Variants in SLX4IP observed in about 807,000 individuals in gnomAD.
SLX4IP encodes protein SLX4IP.
SLX4IP carries 34 observed loss-of-function variants against 32.9 expected under a neutral mutation model. That is an observed-to-expected ratio of 1.03 (90% CI 0.79 to 1.38). The LOEUF (loss-of-function observed/expected upper bound fraction) is 1.38, where lower values mean the gene tolerates loss of function less well. Ranked by LOEUF, SLX4IP falls within the 40% of genes most tolerant of loss-of-function variation. The pLI is 0.00. For missense variants in SLX4IP, 444 were observed against 479.0 expected, an observed-to-expected ratio of 0.93 and a Z score of 0.68; for synonymous variants, 172 against 171.7, an observed-to-expected ratio of 1.00 and a Z score of -0.01.
At chr20:10,569,395 AG>A (rs2066435237) in intron 4 of SLX4IP, among the ~76,000 whole-genome samples, 1 of 152,062 alleles carries the variant, frequency 6.6e-6, no homozygotes, top group South Asian at 2.1e-4. Flanking sequence ...CATGTTGGCC[AG>A]GCTGGTGATC....
At chr20:10,448,611 G>A (rs2065219559) in intron 1 of SLX4IP, among the ~76,000 whole-genome samples, 1 of 152,148 alleles carries the variant, frequency 6.6e-6, no homozygotes, top group South Asian at 2.1e-4. Context: ...AGGCCCATCT[G>A]ATTAAGATTA....
intron 1 of SLX4IP, among the ~76,000 whole-genome samples, chr20:10,443,547 T>C (rs2065175514): frequency 6.6e-6 from 1 of 152,150 alleles, no homozygotes; most frequent in Non-Finnish European, 1.5e-5. Context: ...CATTCCACAG[T>C]GCGGCATGCA....
chr20:10,590,000 G>C (rs1473556796), intron 4 of SLX4IP, among the ~76,000 whole-genome samples: 1 of 150,410 alleles, frequency 6.6e-6, no homozygotes, highest in African/African-American at 2.5e-5. Context: ...ATTATTTTTC[G>C]CAGCTTCCAA....
chr20:10,522,452 C>G (rs968472042), intron 2 of SLX4IP, among the ~76,000 whole-genome samples: 1 of 152,154 alleles, frequency 6.6e-6, no homozygotes, highest in African/African-American at 2.4e-5. Flanking sequence ...TTGGTGAGAG[C>G]TGGCTGACCC....
At chr20:10,530,483 G>A (rs1600968742) in intron 2 of SLX4IP, among the ~76,000 whole-genome samples, 1 of 152,164 alleles carries the variant, frequency 6.6e-6, no homozygotes, top group Non-Finnish European at 1.5e-5. Flanking sequence ...AGTGGTTAAC[G>A]ATGTCCCGAT....
In SLX4IP at chr20:10,526,859, G is replaced by A. The variant is rs893705240; in HGVS notation, c.28-29372G>A. On this transcript the variant is annotated intron_variant, in intron 2 of 7. Transcript: ENST00000334534. ...CCCATCTACTTGGGAGGCTGAGATG[G>A]GAGGACTGCTTGAGGCTGGGAGGCA... Among the ~76,000 whole-genome samples the A allele has an allele frequency of 8.3e-4, 126 of 152,278 alleles. 1 individual carries two copies. Among genetic ancestry groups the A allele is most frequent in the African/African-American group, 2.8e-3 (117 of 41,558 alleles).
chr20:10,479,982 G>A (rs1051117237), intron 2 of SLX4IP, among the ~76,000 whole-genome samples: 20 of 152,086 alleles, frequency 1.3e-4, no homozygotes, highest in Admixed American at 2.6e-4. Flanking sequence ...CCAGCCTGGC[G>A]ACAGAGTGAG....
intron 4 of SLX4IP, among the ~76,000 whole-genome samples, chr20:10,584,581 T>C (rs545604468): frequency 2.0e-5 from 3 of 152,292 alleles, no homozygotes; most frequent in African/African-American, 7.2e-5. Context: ...TGGAGCTCTT[T>C]TAAAAGAATG....
chr20:10,443,598 C>T (rs975061475), intron 1 of SLX4IP, among the ~76,000 whole-genome samples: 1 of 152,170 alleles, frequency 6.6e-6, no homozygotes, highest in Non-Finnish European at 1.5e-5. Context: ...TGTTCAAGGA[C>T]ATGTGCCAGG....
intron 2 of SLX4IP, among the ~76,000 whole-genome samples, chr20:10,534,289 A>G (rs1309739988): frequency 6.6e-6 from 1 of 152,152 alleles, no homozygotes; most frequent in Non-Finnish European, 1.5e-5. Flanking sequence ...TTCTTTCTGC[A>G]ATATACTTAT....
chr20:10,466,165 A>T (rs2065378685), intron 2 of SLX4IP, among the ~76,000 whole-genome samples: 3 of 152,268 alleles, frequency 2.0e-5, no homozygotes, highest in Admixed American at 2.0e-4. Flanking sequence ...AGTGATACAC[A>T]TGGTGTCTAC....
chr20:10,515,309 T>C (rs1009501244), intron 2 of SLX4IP, among the ~76,000 whole-genome samples: 2 of 152,220 alleles, frequency 1.3e-5, no homozygotes, highest in African/African-American at 2.4e-5. Context: ...GTTCTCGAAC[T>C]CCTGATCTCA....
At chr20:10,530,142 A>G (rs2122462601) in intron 2 of SLX4IP, among the ~76,000 whole-genome samples, 1 of 152,312 alleles carries the variant, frequency 6.6e-6, no homozygotes, top group African/African-American at 2.4e-5. Context: ...ACAATCGTGT[A>G]AGAAGGCTTG....
chr20:10,560,799 T>A lies in SLX4IP; in HGVS notation c.217T>A (p.Ser73Thr). 6.2e-7 allele frequency: 1 copy of A among 1,605,106 alleles called. No homozygotes were observed. The highest frequency in any genetic ancestry group is 8.5e-7 in the Non-Finnish European group (1 of 1,176,254). Residue 73 changes from serine to threonine, a missense_variant, in exon 4 of 8, where the codon TCC becomes ACC. Ser to Thr is a moderately conservative substitution (Grantham distance 58, BLOSUM62 1). Coordinates refer to ENST00000334534, the MANE Select transcript of SLX4IP (RefSeq NM_001009608.3). Reference protein sequence around the residue: ...HRPSNAEFTRSNPLSLKGYGF... With the variant: ...HRPSNAEFTRTNPLSLKGYGF... Reference sequence around the variant, plus strand: ...GCCATCAAATGCAGAATTCACAAGATCCAATCCCTTGTCCTTAAAAGGTAG... The same window carrying A: ...GCCATCAAATGCAGAATTCACAAGAACCAATCCCTTGTCCTTAAAAGGTAG...
intron 2 of SLX4IP, among the ~76,000 whole-genome samples, chr20:10,518,485 T>TCCC (rs2065875379): frequency 1.8e-5 from 1 of 56,630 alleles, no homozygotes. Flanking sequence ...TTCCTTTCCT[T>TCCC]TCCTTTTCCT....
At chr20:10,479,221 A>T (rs1039056925) in intron 2 of SLX4IP, among the ~76,000 whole-genome samples, 3 of 152,216 alleles carry the variant, frequency 2.0e-5, no homozygotes, top group Non-Finnish European at 4.4e-5. Flanking sequence ...TCATCTGCGG[A>T]TGCAAAATGA....
At chr20:10,522,450 A>G (rs1225362128) in intron 2 of SLX4IP, among the ~76,000 whole-genome samples, 1 of 152,126 alleles carries the variant, frequency 6.6e-6, no homozygotes, top group East Asian at 1.9e-4. Flanking sequence ...TGTTGGTGAG[A>G]GCTGGCTGAC....
chr20:10,498,804 C>G (rs1378814548), intron 2 of SLX4IP, among the ~76,000 whole-genome samples: 1 of 150,270 alleles, frequency 6.7e-6, no homozygotes, highest in East Asian at 2.0e-4. Context: ...TATTAAAATT[C>G]TTTTTGAAAA....
At chr20:10,578,157 C>T (rs2066543067) in intron 4 of SLX4IP, among the ~76,000 whole-genome samples, 1 of 152,094 alleles carries the variant, frequency 6.6e-6, no homozygotes, top group Non-Finnish European at 1.5e-5. Flanking sequence ...AGTTGTGTAA[C>T]CATCACCAGA....
Sources: allele counts gnomAD v4.1 joint callset (sites outside exome capture counted in the v4.1 genomes callset), GRCh38; gene constraint gnomAD v4.1.1; transcripts MANE v1.5; gene names NCBI Gene and HGNC (gene_info 2026-07-23, HGNC 2026-07-21).